The following PIGZ variants were observed in gnomAD, a reference collection of about 807,000 sequenced individuals.
The protein encoded by PIGZ is GPI alpha-1,2-mannosyltransferase 4.
A neutral mutation model predicts 16.4 loss-of-function variants in PIGZ; 16 were observed. The observed-to-expected ratio is 0.97, with a 90% confidence interval of 0.66 to 1.48. The LOEUF is 1.48. Among genes scored for constraint, PIGZ ranks in the 40% most tolerant of loss-of-function variants. The pLI is 0.00. For missense variants in PIGZ, 770 were observed against 739.2 expected (o/e 1.04, Z -0.48); for synonymous variants, 409 against 338.4 (o/e 1.21, Z -2.29).
intron 2 of PIGZ, among the ~76,000 whole-genome samples, 158 bp from the exon 3 acceptor site, chr3:196,948,843 C>CTT: frequency 8.4e-5 from 12 of 142,394 alleles, no homozygotes; most frequent in African/African-American, 2.9e-4. Context: ...CCCTCCCTCT[C>CTT]TCCCTCCTTC....
chr3:196,966,296 C>T (rs375480998), intron 1 of PIGZ, among the ~76,000 whole-genome samples: 5 of 152,350 alleles, frequency 3.3e-5, no homozygotes, highest in African/African-American at 7.2e-5. Context: ...TATACCTCAG[C>T]TTTAAAACAA....
intron 1 of PIGZ, among the ~76,000 whole-genome samples, chr3:196,960,084 G>A (rs1717648194): frequency 6.6e-6 from 1 of 152,206 alleles, no homozygotes; most frequent in Non-Finnish European, 1.5e-5. Context: ...CAGTTATGGT[G>A]GCCACAGTAC....
At chr3:196,966,161 C>T (rs1424525912) in intron 1 of PIGZ, among the ~76,000 whole-genome samples, 1 of 152,216 alleles carries the variant, frequency 6.6e-6, no homozygotes, top group African/African-American at 2.4e-5. Context: ...CACACGGTTT[C>T]ACTTACCCAA....
intron 1 of PIGZ, among the ~76,000 whole-genome samples, chr3:196,955,340 C>A (rs1717437150): frequency 6.6e-6 from 1 of 152,098 alleles, no homozygotes; most frequent in Non-Finnish European, 1.5e-5. Flanking sequence ...CCTTGTAATT[C>A]TGTCAATTTT....
At chr3:196,951,439 A>C (rs1717278555) in intron 2 of PIGZ, 1 of 285,962 alleles carries the variant, frequency 3.5e-6, no homozygotes, top group Non-Finnish European at 6.8e-6. Flanking sequence ...GAATCTACAG[A>C]AGAGAAGTTT....
At chr3:196,958,396 T>C (rs180795992) in intron 1 of PIGZ, among the ~76,000 whole-genome samples, 68 of 152,324 alleles carry the variant, frequency 4.5e-4, no homozygotes, top group Non-Finnish European at 8.4e-4. Flanking sequence ...TTTGGGAGGC[T>C]GAGGCCGGCG....
In PIGZ at chr3:196,947,039, TG is replaced by T. The variant is rs1313686778; in HGVS notation, c.*117del. On this transcript the variant is annotated 3_prime_UTR_variant, in exon 3 of 3. Transcript: ENST00000412723. ...CAGCCATGCCCAGGAGAGGCAGCAGTGGGAGTCATGAAGGAGGACGGGGTCC... is the reference window on the plus strand; with the variant it reads ...CAGCCATGCCCAGGAGAGGCAGCAGTGGAGTCATGAAGGAGGACGGGGTCC... The T allele has an allele frequency of 1.2e-6, 1 of 841,218 alleles. No homozygotes were observed. The highest frequency in any genetic ancestry group is 1.7e-5 in the African/African-American group (1 of 58,650). 52.1% of individuals were successfully genotyped at this position (841,218 alleles called of 1,614,324 possible). A position where few individuals can be genotyped will look rare whatever the true frequency, so the allele number is the denominator to read the frequency against.
chr3:196,956,690 T>C (rs1717503228), intron 1 of PIGZ, among the ~76,000 whole-genome samples: 1 of 152,248 alleles, frequency 6.6e-6, no homozygotes, highest in South Asian at 2.1e-4. Context: ...GGGTAAGTTC[T>C]GTTCTATCTT....
At chr3:196,966,681 T>G (rs1037786762) in intron 1 of PIGZ, among the ~76,000 whole-genome samples, 3 of 152,206 alleles carry the variant, frequency 2.0e-5, no homozygotes. Flanking sequence ...CTGGCGTCTC[T>G]CCAGTCTGAG....
Position 196,968,809 on chromosome 3 carries a change from G to T in PIGZ, c.-123C>A, listed in dbSNP as rs912535283. ...GGAGGGGAGGCCGTGGGAGCGGCCG[G>T]GCGCGCCTCAGCAGCGCGGAGACTG... On this transcript the variant is annotated 5_prime_UTR_variant, in exon 1 of 3. Coordinates refer to ENST00000412723, the MANE Select transcript of PIGZ (RefSeq NM_025163.4). The T allele has an allele frequency of 4.0e-5, 6 of 150,582 alleles. No homozygotes were observed. The highest frequency in any genetic ancestry group is 8.9e-5 in the Non-Finnish European group (6 of 67,464). The allele number at this position is 150,582 out of a possible 1,614,324, so 9.3% of individuals were successfully genotyped here. A position where few individuals can be genotyped will look rare whatever the true frequency, so the allele number is the denominator to read the frequency against.
intron 2 of PIGZ, among the ~76,000 whole-genome samples, chr3:196,949,893 A>AT: frequency 6.6e-6 from 1 of 152,030 alleles, no homozygotes; most frequent in Middle Eastern, 3.4e-3. Context: ...TCTGATAATG[A>AT]TTGTTATCAG....
chr3:196,946,481 A>T lies in PIGZ; in HGVS notation c.*676T>A, dbSNP rs893820398. 2.0e-5 allele frequency: 3 copies of T among 152,236 alleles called. No individual in the cohort carries two copies. The highest frequency in any genetic ancestry group is 6.5e-5 in the Admixed American group (1 of 15,282). The allele number at this position is 152,236 out of a possible 1,614,324, so 9.4% of individuals were successfully genotyped here. A position where few individuals can be genotyped will look rare whatever the true frequency, so the allele number is the denominator to read the frequency against. ...TTCCATGCTTGAAGAGCTTTGTGAG[A>T]GCTGTGCCTGTTGAGGCAGGGGACG... On this transcript the variant is annotated 3_prime_UTR_variant, in exon 3 of 3. Coordinates refer to ENST00000412723, the MANE Select transcript of PIGZ (RefSeq NM_025163.4).
intron 1 of PIGZ, among the ~76,000 whole-genome samples, chr3:196,961,591 C>G (rs1181593075): frequency 6.6e-6 from 1 of 151,996 alleles, no homozygotes; most frequent in African/African-American, 2.4e-5. Flanking sequence ...AAAGAAAAAG[C>G]AGGAAACAAT....
chr3:196,953,731 T>G (rs1035668905), intron 1 of PIGZ, among the ~76,000 whole-genome samples: 1 of 152,236 alleles, frequency 6.6e-6, no homozygotes, highest in African/African-American at 2.4e-5. Flanking sequence ...TAATGTCAGG[T>G]GGCTCACACC....
At chr3:196,961,955 C>G (rs978956205) in intron 1 of PIGZ, among the ~76,000 whole-genome samples, 1 of 152,140 alleles carries the variant, frequency 6.6e-6, no homozygotes, top group Non-Finnish European at 1.5e-5. Context: ...GTCCACCACC[C>G]CAGACTCTGG....
At chr3:196,964,950 T>C (rs1043706595) in intron 1 of PIGZ, among the ~76,000 whole-genome samples, 1 of 152,178 alleles carries the variant, frequency 6.6e-6, no homozygotes, top group Non-Finnish European at 1.5e-5. Flanking sequence ...AGCTGGAAGA[T>C]GGACCCGGTC....
At chr3:196,949,029 CCTTCCCTT>C (rs143010263) in intron 2 of PIGZ, among the ~76,000 whole-genome samples, 5 of 48,784 alleles carry the variant, frequency 1.0e-4, no homozygotes, top group African/African-American at 7.0e-4. Flanking sequence ...CCCTTCCCTT[CCTTCCCTT>C]CCTTCCTTCC....
intron 1 of PIGZ, among the ~76,000 whole-genome samples, chr3:196,955,477 A>G (rs1318548254): frequency 6.6e-6 from 1 of 151,398 alleles, no homozygotes; most frequent in African/African-American, 2.4e-5. Flanking sequence ...GTCCTAAAAT[A>G]TATTTTTTCT....
At position 196,946,859 on chromosome 3, in the gene PIGZ, T is replaced by C. The variant is rs1024499968; in HGVS notation, c.*298A>G. ...TTTCACAACCAGGTACTATCACATA[T>C]TTCAAACATCACAGTGGCTGGAAGC... On this transcript the variant is annotated 3_prime_UTR_variant, in exon 3 of 3. Transcript: ENST00000412723. The C allele has an allele frequency of 3.0e-6, 1 of 331,462 alleles. No homozygotes were observed. 20.5% of individuals were successfully genotyped at this position (331,462 alleles called of 1,614,324 possible). A position where few individuals can be genotyped will look rare whatever the true frequency, so the allele number is the denominator to read the frequency against.
Sources: allele counts gnomAD v4.1 joint callset (sites outside exome capture counted in the v4.1 genomes callset), GRCh38; gene constraint gnomAD v4.1.1; transcripts MANE v1.5; gene names NCBI Gene and HGNC (gene_info 2026-07-23, HGNC 2026-07-21).